The following CNTN4 variants were observed in gnomAD, a reference collection of about 807,000 sequenced individuals.
CNTN4 encodes the protein contactin-4.
CNTN4 carries 77 observed loss-of-function variants against 122.5 expected under a neutral mutation model. That is an observed-to-expected ratio of 0.63 (90% CI 0.52 to 0.76). The LOEUF (loss-of-function observed/expected upper bound fraction) is 0.76, where lower values mean the gene tolerates loss of function less well. Among genes scored for constraint, CNTN4 ranks in the 30% least tolerant of loss-of-function variants. The probability of loss-of-function intolerance (pLI) is 0.00; values close to 1 mark genes in which losing one functional copy is unlikely to be tolerated. For missense variants in CNTN4, 1,256 were observed against 1,259.1 expected, an observed-to-expected ratio of 1.00 and a Z score of 0.04; for synonymous variants, 512 against 447.0, an observed-to-expected ratio of 1.15 and a Z score of -1.83.
chr3:2,702,483 C>T (rs769988023), intron 4 of CNTN4, among the ~76,000 whole-genome samples: 4 of 152,242 alleles, frequency 2.6e-5, no homozygotes, highest in East Asian at 1.9e-4. Context: ...TGAGGCATAA[C>T]GGCACTTCTT....
At chr3:2,988,576 A>G in intron 14 of CNTN4, 104 bp downstream of exon 14, 1 of 1,156,712 alleles carries the variant, frequency 8.6e-7, no homozygotes, top group Non-Finnish European at 1.3e-6. Flanking sequence ...TACAGATACC[A>G]CTGTATTGCT....
At chr3:2,141,484 C>T (rs890349933) in intron 2 of CNTN4, among the ~76,000 whole-genome samples, 1 of 152,056 alleles carries the variant, frequency 6.6e-6, no homozygotes, top group African/African-American at 2.4e-5. Flanking sequence ...GAAGCCCTGC[C>T]CAGTCTTAAT....
intron 2 of CNTN4, among the ~76,000 whole-genome samples, chr3:2,214,067 C>T (rs927681976): frequency 2.0e-5 from 3 of 152,066 alleles, no homozygotes; most frequent in African/African-American, 7.2e-5. Flanking sequence ...GTACTTTTCC[C>T]ACCTGGGCTT....
chr3:2,811,452 A>ATTATTTATTTAT (rs146081354), intron 6 of CNTN4, among the ~76,000 whole-genome samples: 1 of 146,418 alleles, frequency 6.8e-6, no homozygotes, highest in Non-Finnish European at 1.5e-5. Flanking sequence ...TTTTTATTTT[A>ATTATTTATTTAT]TTATTTATTT....
intron 3 of CNTN4, among the ~76,000 whole-genome samples, chr3:2,373,598 G>C (rs1486131001): frequency 6.6e-6 from 1 of 152,178 alleles, no homozygotes; most frequent in African/African-American, 2.4e-5. Context: ...TTAGGCAAAT[G>C]CTTCTGGTAC....
Position 2,385,834 on chromosome 3 carries a change from C to A in CNTN4, c.-89+46601C>A, listed in dbSNP as rs185886626. 1.3e-5 allele frequency among the ~76,000 whole-genome samples: 2 copies of A among 152,072 alleles called. No homozygotes were observed. Among genetic ancestry groups the A allele is most frequent in the South Asian group, 2.1e-4 (1 of 4,828 alleles). On this transcript the variant is annotated intron_variant, in intron 3 of 24. Transcript: ENST00000418658. The surrounding 1 kb of genome is among the most constrained non-coding windows in gnomAD (Gnocchi z 4.0). ...GCTTCCAAATAAGGTCACATTCACA[C>A]GTACCAGGGGTCAAGACTTCAACAC...
At chr3:3,024,224 C>A (rs1698525154) in intron 14 of CNTN4, among the ~76,000 whole-genome samples, 1 of 151,950 alleles carries the variant, frequency 6.6e-6, no homozygotes, top group Non-Finnish European at 1.5e-5. Context: ...TCAAATAAAA[C>A]CCATAGAGGT....
At chr3:2,864,162 C>T (rs944537754) in intron 7 of CNTN4, among the ~76,000 whole-genome samples, 6 of 152,198 alleles carry the variant, frequency 3.9e-5, no homozygotes, top group African/African-American at 7.2e-5. Context: ...TTCACATAAT[C>T]GGTTGCTCAC....
intron 3 of CNTN4, among the ~76,000 whole-genome samples, chr3:2,472,888 C>T (rs2075726531): frequency 6.6e-6 from 1 of 152,070 alleles, no homozygotes. Context: ...GTAATGTGTG[C>T]ATGAGGGGTA....
intron 9 of CNTN4, 96 bp from the exon 10 acceptor site, chr3:2,886,944 C>A (rs1446212679): frequency 4.8e-6 from 5 of 1,038,698 alleles, no homozygotes; most frequent in Non-Finnish European, 7.2e-6. Context: ...AAACACCCAA[C>A]CTTATATGTG....
chr3:2,339,327 A>C (rs956908440), intron 3 of CNTN4, 94 bp downstream of exon 3: 1 of 152,136 alleles, frequency 6.6e-6, no homozygotes, highest in Non-Finnish European at 1.5e-5. Context: ...CTTCCCTTAC[A>C]GAGTGATAGC....
chr3:2,873,828 G>A (rs946169124), intron 8 of CNTN4, among the ~76,000 whole-genome samples: 3 of 152,188 alleles, frequency 2.0e-5, no homozygotes, highest in African/African-American at 7.2e-5. Flanking sequence ...CAGGCAACAG[G>A]TAGAGATATG....
At chr3:2,624,425 T>C (rs1305725555) in intron 4 of CNTN4, among the ~76,000 whole-genome samples, 2 of 152,098 alleles carry the variant, frequency 1.3e-5, no homozygotes, top group Non-Finnish European at 2.9e-5. Flanking sequence ...CAAGTCAGCA[T>C]CTACCATGAA....
chr3:2,310,917 C>G (rs2042891981), intron 2 of CNTN4, among the ~76,000 whole-genome samples: 1 of 152,074 alleles, frequency 6.6e-6, no homozygotes, highest in Non-Finnish European at 1.5e-5. Flanking sequence ...ACCTGTCTTT[C>G]AAAGCAGTAG....
intron 2 of CNTN4, among the ~76,000 whole-genome samples, chr3:2,125,330 CTGTGTGTGTG>C (rs397721422): frequency 7.0e-5 from 10 of 143,472 alleles, no homozygotes; most frequent in East Asian, 6.3e-4. Context: ...ATTCTATTCT[CTGTGTGTGTG>C]TGTGTGTGTG....
chr3:2,629,614 A>T (rs577942560), intron 4 of CNTN4: 1 of 440,966 alleles, frequency 2.3e-6, no homozygotes, highest in African/African-American at 2.0e-5. Flanking sequence ...GAAAAGCCTA[A>T]GTTACAGCAC....
chr3:2,106,462 C>A (rs187943869), intron 2 of CNTN4, among the ~76,000 whole-genome samples: 1 of 152,342 alleles, frequency 6.6e-6, no homozygotes, highest in Non-Finnish European at 1.5e-5. Context: ...CTTCTGCACA[C>A]CCACAGGACG....
intron 3 of CNTN4, among the ~76,000 whole-genome samples, chr3:2,437,549 AAAAAG>A (rs2048299147): frequency 6.6e-6 from 1 of 152,196 alleles, no homozygotes; most frequent in Non-Finnish European, 1.5e-5. Context: ...AAGCAATTGA[AAAAAG>A]AAAAACCCTA....
At chr3:2,782,384 CT>C (rs777715922) in intron 6 of CNTN4, among the ~76,000 whole-genome samples, 1 of 151,560 alleles carries the variant, frequency 6.6e-6, no homozygotes, top group Non-Finnish European at 1.5e-5. Flanking sequence ...ATGATTGCAT[CT>C]TTTCACTAAA....
Sources: allele counts gnomAD v4.1 joint callset (sites outside exome capture counted in the v4.1 genomes callset), GRCh38; gene constraint gnomAD v4.1.1; non-coding constraint Gnocchi (gnomAD v3.1); transcripts MANE v1.5; gene names NCBI Gene and HGNC (gene_info 2026-07-23, HGNC 2026-07-21).